Variants in TTC27 observed in about 807,000 individuals in gnomAD.
TTC27 encodes the protein tetratricopeptide repeat domain 27.
In TTC27, 79 loss-of-function variants were observed where a neutral mutation model predicts 115.9. The observed-to-expected ratio is 0.68, with a 90% CI of 0.57 to 0.82. The LOEUF (loss-of-function observed/expected upper bound fraction) is 0.82, where lower values mean the gene tolerates loss of function less well. Among genes scored for constraint, TTC27 ranks in the 40% least tolerant of loss-of-function variants. The probability of loss-of-function intolerance (pLI) is 0.00; values close to 1 mark genes in which losing one functional copy is unlikely to be tolerated. For missense variants in TTC27, 1,054 were observed against 993.1 expected (o/e 1.06, Z -0.82); for synonymous variants, 401 against 356.0 (o/e 1.13, Z -1.42).
intron 16 of TTC27, among the ~76,000 whole-genome samples, chr2:32,797,762 T>C (rs1202983214): frequency 6.6e-6 from 1 of 152,156 alleles, no homozygotes; most frequent in Non-Finnish European, 1.5e-5. Flanking sequence ...ACAGACAAAT[T>C]GGACTTTGTG....
At chr2:32,747,801 T>A (rs938933986) in intron 12 of TTC27, among the ~76,000 whole-genome samples, 1 of 152,204 alleles carries the variant, frequency 6.6e-6, no homozygotes, top group Non-Finnish European at 1.5e-5. Context: ...GTTTTCAGCG[T>A]AGGATACCTG....
intron 16 of TTC27, among the ~76,000 whole-genome samples, chr2:32,803,893 G>A (rs993039059): frequency 1.1e-4 from 17 of 151,928 alleles, no homozygotes; most frequent in African/African-American, 3.6e-4. Context: ...TGTAGTCCCA[G>A]CTACTCGGGA....
chr2:32,667,941 C>T (rs1665851637), intron 7 of TTC27, among the ~76,000 whole-genome samples: 1 of 151,450 alleles, frequency 6.6e-6, no homozygotes, highest in Non-Finnish European at 1.5e-5. Flanking sequence ...GTAATCCCAG[C>T]ACTTTGGGAG....
At chr2:32,666,829 T>G in intron 7 of TTC27, 61 bp downstream of exon 7, 4 of 1,568,152 alleles carry the variant, frequency 2.6e-6, no homozygotes, top group Non-Finnish European at 3.5e-6. Flanking sequence ...TTTCAATAGC[T>G]GAGTACCATA....
chr2:32,707,623 A>G (rs1235275871), intron 10 of TTC27, among the ~76,000 whole-genome samples: 2 of 152,250 alleles, frequency 1.3e-5, no homozygotes, highest in African/African-American at 4.8e-5. Flanking sequence ...AAAAAAACTA[A>G]TGAAGTATAT....
chr2:32,792,127 G>A (rs1670558001), intron 16 of TTC27, among the ~76,000 whole-genome samples: 2 of 152,104 alleles, frequency 1.3e-5, no homozygotes, highest in African/African-American at 4.8e-5. Flanking sequence ...CATACAGTAT[G>A]TATTCTTGCA....
rs959720262 is a variant in TTC27 at position 32,781,079 on chromosome 2, A to G, written c.1780-1547A>G. On this transcript the variant is annotated intron_variant, in intron 14 of 19. Transcript: ENST00000317907. ...ACAGTAAGGGTTTGGGGAGCTGGCA[A>G]GCTTCCATTGATGAGGGATGGCAGA... Among the ~76,000 whole-genome samples, 6 of 152,198 alleles carry G rather than the reference A, an allele frequency of 3.9e-5. No homozygotes were observed. The East Asian group carries it at 1.2e-3, about 29-fold the overall frequency.
intron 10 of TTC27, among the ~76,000 whole-genome samples, chr2:32,709,923 T>C (rs187454535): frequency 3.1e-4 from 47 of 152,368 alleles, no homozygotes; most frequent in African/African-American, 1.1e-3. Context: ...ATGGCTAAAA[T>C]ATAGTTTATT....
intron 10 of TTC27, among the ~76,000 whole-genome samples, chr2:32,728,590 A>G (rs1668189616): frequency 6.6e-6 from 1 of 152,206 alleles, no homozygotes; most frequent in African/African-American, 2.4e-5. Flanking sequence ...GCTGCTTTCA[A>G]TTTTGACACA....
intron 12 of TTC27, among the ~76,000 whole-genome samples, chr2:32,750,697 A>T (rs1209545814): frequency 4.6e-5 from 7 of 152,212 alleles, no homozygotes; most frequent in Non-Finnish European, 8.8e-5. Flanking sequence ...GGGGGTTTAG[A>T]TATTGAAGCA....
At chr2:32,759,436 A>G (rs1431981801) in intron 13 of TTC27, among the ~76,000 whole-genome samples, 2 of 152,192 alleles carry the variant, frequency 1.3e-5, no homozygotes, top group South Asian at 2.1e-4. Flanking sequence ...AAAAACATAG[A>G]AAAATTACCA....
intron 1 of TTC27, 70 bp from the exon 2 acceptor site, chr2:32,630,452 TA>T: frequency 8.2e-7 from 1 of 1,223,566 alleles, no homozygotes; most frequent in Non-Finnish European, 1.1e-6. Flanking sequence ...TAGATTTACC[TA>T]ATAGTGTTAT....
In TTC27 at chr2:32,755,254, C is replaced by T. The variant is rs1191924831; in HGVS notation, c.1453-3038C>T. Among the ~76,000 whole-genome samples, 36 of 152,256 alleles carry T rather than the reference C, an allele frequency of 2.4e-4. 1 individual carries two copies. The highest frequency in any genetic ancestry group is 7.7e-4 in the African/African-American group (32 of 41,548). On this transcript the variant is annotated intron_variant, in intron 12 of 19. Coordinates refer to ENST00000317907, the MANE Select transcript of TTC27 (RefSeq NM_017735.5). ...GGCGGCTGGGAGGTGGAGGTTGTAG[C>T]GAGCCAAGATCACGCCACTGCACTC...
At chr2:32,803,007 T>C (rs1347733113) in intron 16 of TTC27, among the ~76,000 whole-genome samples, 1 of 152,236 alleles carries the variant, frequency 6.6e-6, no homozygotes, top group Non-Finnish European at 1.5e-5. Context: ...TATTGTCTGT[T>C]CAACTGGTAA....
chr2:32,684,034 T>C (rs1021684029), intron 9 of TTC27, among the ~76,000 whole-genome samples: 19 of 152,116 alleles, frequency 1.2e-4, no homozygotes, highest in Admixed American at 1.1e-3. Context: ...GGTGCTCGCC[T>C]ATAATCCCAG....
At chr2:32,687,823 T>C (rs1666685075) in intron 9 of TTC27, among the ~76,000 whole-genome samples, 1 of 152,148 alleles carries the variant, frequency 6.6e-6, no homozygotes, top group South Asian at 2.1e-4. Context: ...TGGATAGAAC[T>C]AAATTGAAAA....
intron 6 of TTC27, 128 bp from the exon 7 acceptor site, chr2:32,666,507 A>AG (rs1280238521): frequency 1.1e-6 from 1 of 951,150 alleles, no homozygotes; most frequent in African/African-American, 1.7e-5. Flanking sequence ...GCTGGGCCTC[A>AG]GGACTTTCTT....
chr2:32,799,414 A>G (rs534673406), intron 16 of TTC27, among the ~76,000 whole-genome samples: 1 of 152,322 alleles, frequency 6.6e-6, no homozygotes, highest in East Asian at 1.9e-4. Flanking sequence ...CTAAAATGAG[A>G]AAGAGTAGAG....
intron 12 of TTC27, among the ~76,000 whole-genome samples, chr2:32,740,644 T>A (rs1294116038): frequency 2.0e-5 from 3 of 152,154 alleles, no homozygotes; most frequent in African/African-American, 7.2e-5. Flanking sequence ...ACTTTATTTA[T>A]TTATTTATTT....
Sources: allele counts gnomAD v4.1 joint callset (sites outside exome capture counted in the v4.1 genomes callset), GRCh38; gene constraint gnomAD v4.1.1; transcripts MANE v1.5; gene names NCBI Gene and HGNC (gene_info 2026-07-23, HGNC 2026-07-21).